The following FRMPD1 variants were observed in gnomAD, a reference collection of about 807,000 sequenced individuals.
The protein encoded by FRMPD1 is FERM and PDZ domain containing 1.
FRMPD1 carries 76 observed loss-of-function variants against 117.8 expected under a neutral mutation model. That is an observed-to-expected ratio of 0.65 (90% CI 0.54 to 0.78). FRMPD1 has a LOEUF of 0.78. Ranked by LOEUF, FRMPD1 falls within the 30% of genes least tolerant of loss-of-function variation. The pLI is 0.00. For synonymous variants in FRMPD1, 783 were observed against 770.4 expected (o/e 1.02, Z -0.27); for missense variants, 1,786 against 1,964.5 (o/e 0.91, Z 1.72).
chr9:37,662,848 C>G (rs1039401054), intron 1 of FRMPD1, among the ~76,000 whole-genome samples: 2 of 152,076 alleles, frequency 1.3e-5, no homozygotes, highest in African/African-American at 4.8e-5. Flanking sequence ...ACATGCAGCT[C>G]AGTTTAACAA....
At position 37,746,274 on chromosome 9, in the gene FRMPD1, C is replaced by T. The variant is rs778081540; in HGVS notation, c.4242C>T (p.Thr1414=). The T allele has an allele frequency of 1.3e-5, 21 of 1,612,656 alleles. No homozygotes were observed. The Admixed American group carries it at 3.5e-4, about 27-fold the overall frequency. Residue 1414 remains threonine (T), a synonymous_variant, in exon 16 of 16, where the codon ACC becomes ACT. Transcript: ENST00000377765. The stretch of plus-strand genomic sequence containing the variant: ...GGGCACTGAGACAGCTGAAAGCCAC[C>T]CCTGCCAGCACCCCTGAGGGCTTCA... ...CSRALRQLKA[T]PASTPEGFIQ...
At chr9:37,604,132 A>G in the FRMPD1 span, among the ~76,000 whole-genome samples, 1 of 152,178 alleles carries the variant, frequency 6.6e-6, no homozygotes, top group Non-Finnish European at 1.5e-5. Flanking sequence ...AATTAAAATT[A>G]TTTGGAGTTT....
chr9:37,619,459 G>T, the FRMPD1 span, among the ~76,000 whole-genome samples: 2 of 152,148 alleles, frequency 1.3e-5, no homozygotes, highest in African/African-American at 2.4e-5. Flanking sequence ...GGCAAAAGCT[G>T]CAGAGAAATT....
At chr9:37,624,404 A>G in the FRMPD1 span, among the ~76,000 whole-genome samples, 1 of 152,356 alleles carries the variant, frequency 6.6e-6, no homozygotes, top group East Asian at 1.9e-4. Flanking sequence ...AACGGGAAGC[A>G]AATGGAGACT....
chr9:37,645,483 C>T, the FRMPD1 span, among the ~76,000 whole-genome samples: 2 of 152,016 alleles, frequency 1.3e-5, no homozygotes, highest in Non-Finnish European at 2.9e-5. Flanking sequence ...AGATATCAGA[C>T]ATGTTTTCCA....
chr9:37,637,193 G>C, the FRMPD1 span: 1 of 1,609,028 alleles, frequency 6.2e-7, no homozygotes, highest in African/African-American at 1.3e-5. Context: ...GTAGCTCTCT[G>C]TGTAAGGGTC....
At chr9:37,690,514 C>A (rs1207458550) in intron 1 of FRMPD1, among the ~76,000 whole-genome samples, 3 of 152,238 alleles carry the variant, frequency 2.0e-5, no homozygotes, top group African/African-American at 7.2e-5. Flanking sequence ...AAGAGTAAAG[C>A]AGTAAAACAA....
In FRMPD1 at chr9:37,740,735, C is replaced by G. The variant is rs749366537; in HGVS notation, c.2207C>G (p.Ala736Gly). The G allele has an allele frequency of 1.9e-6, 3 of 1,614,182 alleles. No homozygotes were observed. The highest frequency in any genetic ancestry group is 2.5e-6 in the Non-Finnish European group (3 of 1,180,022). Residue 736 changes from alanine (A) to glycine (G), a missense_variant, in exon 15 of 16, where the codon GCC becomes GGC. By Grantham distance (60) the Ala-to-Gly change is moderately conservative. Coordinates refer to ENST00000377765, the MANE Select transcript of FRMPD1 (RefSeq NM_014907.3). This position sits in a 1 kb window ranked among gnomAD's most constrained non-coding sequence, Gnocchi z 4.2. Reference protein sequence around the residue: ...TASRQGGAPPAWGQQGWTEAQ... With the variant: ...TASRQGGAPPGWGQQGWTEAQ... ...TCCCGGCAAGGGGGAGCCCCGCCAGCCTGGGGTCAGCAGGGCTGGACTGAG... is the reference window on the plus strand; with the variant it reads ...TCCCGGCAAGGGGGAGCCCCGCCAGGCTGGGGTCAGCAGGGCTGGACTGAG...
intron 1 of FRMPD1, among the ~76,000 whole-genome samples, chr9:37,675,417 T>TA (rs55853255): frequency 0.041 from 5,703 of 137,540 alleles, 344 homozygotes; most frequent in African/African-American, 0.14. Flanking sequence ...TGAGACTGTC[T>TA]AAAAAAAAAA....
At chr9:37,698,777 TGCCCAGGCTGCGGTGCA>T in intron 2 of FRMPD1, among the ~76,000 whole-genome samples, 1 of 152,014 alleles carries the variant, frequency 6.6e-6, no homozygotes, top group East Asian at 1.9e-4. Flanking sequence ...TCACTCTTGT[TGCCCAGGCTGCGGTGCA>T]ATGGTGCAAC....
chr9:37,632,138 A>G, the FRMPD1 span, among the ~76,000 whole-genome samples: 1 of 152,200 alleles, frequency 6.6e-6, no homozygotes, highest in Non-Finnish European at 1.5e-5. Flanking sequence ...TTTTTACTCA[A>G]AAATATATTG....
chr9:37,616,532 C>A, the FRMPD1 span, among the ~76,000 whole-genome samples: 3 of 152,182 alleles, frequency 2.0e-5, no homozygotes. Context: ...GAGCCCAGGG[C>A]ACTTTCTGTT....
Position 37,746,289 on chromosome 9 carries a change from T to C in FRMPD1, c.4257T>C (p.Pro1419=). Residue 1419 remains proline, a synonymous_variant, in exon 16 of 16, where the codon CCT becomes CCC. Transcript: ENST00000377765. ...TGAAAGCCACCCCTGCCAGCACCCC[T>C]GAGGGCTTCATCCAACTCATGGAGA... ...RQLKATPAST[P]EGFIQLMESL... is the part of the protein sequence containing the mutation. 1.9e-6 allele frequency: 3 copies of C among 1,612,760 alleles called. No individual in the cohort carries two copies. Among genetic ancestry groups the C allele is most frequent in the East Asian group, 4.5e-5 (2 of 44,884 alleles).
At chr9:37,698,797 G>T in intron 2 of FRMPD1, among the ~76,000 whole-genome samples, 1 of 152,000 alleles carries the variant, frequency 6.6e-6, no homozygotes, top group Non-Finnish European at 1.5e-5. Context: ...GCGGTGCAAT[G>T]GTGCAACCTT....
the FRMPD1 span, among the ~76,000 whole-genome samples, chr9:37,613,505 A>T: frequency 1.3e-5 from 2 of 152,210 alleles, no homozygotes; most frequent in Non-Finnish European, 2.9e-5. Flanking sequence ...ATCATATGAT[A>T]CTTTGCTGGC....
rs1563969726 is a variant in FRMPD1 at position 37,746,732 on chromosome 9, G to A, written c.4700G>A (p.Cys1567Tyr). Residue 1567 changes from cysteine to tyrosine, a missense_variant, in exon 16 of 16, where the codon TGT becomes TAT. Transcript: ENST00000377765. ...QCTALTAAVFCLTQKFRASTA... is the reference protein window; with the variant it reads ...QCTALTAAVFYLTQKFRASTA... ...ACGGCCCTCACGGCCGCCGTGTTCT[G>A]TTTGACCCAGAAGTTCCGGGCATCC... 1 of 1,614,096 alleles carries A rather than the reference G, an allele frequency of 6.2e-7. No individual in the cohort carries two copies. Among genetic ancestry groups the A allele is most frequent in the East Asian group, 2.2e-5 (1 of 44,884 alleles).
intron 1 of FRMPD1, among the ~76,000 whole-genome samples, chr9:37,688,161 G>T (rs1822012187): frequency 6.6e-6 from 1 of 150,816 alleles, no homozygotes; most frequent in Non-Finnish European, 1.5e-5. Flanking sequence ...ATATATACAA[G>T]AAATATATTT....
At chr9:37,671,712 T>C (rs1333910138) in intron 1 of FRMPD1, among the ~76,000 whole-genome samples, 1 of 152,158 alleles carries the variant, frequency 6.6e-6, no homozygotes, top group African/African-American at 2.4e-5. Context: ...ACTCCTGTAA[T>C]CTCAGCAATT....
chr9:37,745,985 T>A lies in FRMPD1; in HGVS notation c.3953T>A (p.Phe1318Tyr). 6.2e-7 allele frequency: 1 copy of A among 1,614,224 alleles called. No individual in the cohort carries two copies. The highest frequency in any genetic ancestry group is 8.5e-7 in the Non-Finnish European group (1 of 1,180,022). The change falls in exon 16 of 16, where the codon TTT becomes TAT. Residue 1318 changes from phenylalanine (F) to tyrosine (Y), a missense_variant. Coordinates refer to ENST00000377765, the MANE Select transcript of FRMPD1 (RefSeq NM_014907.3). Reference sequence around the variant, plus strand: ...CTCAGGGTGGCCACATCTTTGGGTTTTGCAGGCATGAATGAGATGGTGGCT... The same window carrying A: ...CTCAGGGTGGCCACATCTTTGGGTTATGCAGGCATGAATGAGATGGTGGCT... Reference protein sequence around the residue: ...ASLRVATSLGFAGMNEMVAPR... With the variant: ...ASLRVATSLGYAGMNEMVAPR...
Sources: allele counts gnomAD v4.1 joint callset (sites outside exome capture counted in the v4.1 genomes callset), GRCh38; gene constraint gnomAD v4.1.1; non-coding constraint Gnocchi (gnomAD v3.1); transcripts MANE v1.5; gene names NCBI Gene and HGNC (gene_info 2026-07-23, HGNC 2026-07-21).